KIF21B: variants seen among roughly 807,000 people sequenced by gnomAD.
The protein encoded by KIF21B is kinesin-like protein KIF21B.
KIF21B carries 85 observed loss-of-function variants against 192.9 expected under a neutral mutation model. The observed-to-expected ratio is 0.44, with a 90% CI of 0.37 to 0.53. The LOEUF is 0.53. Among genes scored for constraint, KIF21B ranks in the 20% least tolerant of loss-of-function variants. The pLI is 0.00. For synonymous variants in KIF21B, 832 were observed against 884.6 expected, an observed-to-expected ratio of 0.94 and a Z score of 1.05; for missense variants, 1,716 against 2,194.8, an observed-to-expected ratio of 0.78 and a Z score of 4.36.
chr1:200,979,414 TG>T, intron 30 of KIF21B, 120 bp downstream of exon 30: 1 of 656,538 alleles, frequency 1.5e-6, no homozygotes, highest in Non-Finnish European at 2.4e-6. Flanking sequence ...AGGCTGGTAA[TG>T]GTCTCTGTGC....
At chr1:200,989,903 G>A in intron 21 of KIF21B, 39 bp downstream of exon 21, 1 of 1,492,430 alleles carries the variant, frequency 6.7e-7, no homozygotes, top group Non-Finnish European at 9.3e-7. Flanking sequence ...AGGCATCTGT[G>A]CCCATAGAGC....
intron 17 of KIF21B, 62 bp downstream of exon 17, chr1:200,991,595 A>T: frequency 6.6e-7 from 1 of 1,511,420 alleles, no homozygotes; most frequent in South Asian, 1.1e-5. Flanking sequence ...CAAGCAATGC[A>T]CACATGCACG....
chr1:200,996,363 T>C lies in KIF21B; in HGVS notation c.2110A>G (p.Asn704Asp), dbSNP rs1657068095. The C allele has an allele frequency of 1.2e-6, 2 of 1,614,162 alleles. No individual in the cohort carries two copies. The highest frequency in any genetic ancestry group is 1.7e-6 in the Non-Finnish European group (2 of 1,180,034). The change falls in exon 15 of 35, where the codon AAC becomes GAC. Residue 704 changes from asparagine to aspartate, a missense_variant. Coordinates refer to ENST00000461742, the MANE Select transcript of KIF21B (RefSeq NM_001252102.2). ...TTCTCATAGTCTGCCTTGATCTTGT[T>C]GGCCTTCTCCTCAGTATAGCACTCC... ...TMECYTEEKA[N>D]KIKADYEKRL...
chr1:201,012,492 C>T (rs1658294986), intron 1 of KIF21B, among the ~76,000 whole-genome samples: 1 of 152,310 alleles, frequency 6.6e-6, no homozygotes, highest in Non-Finnish European at 1.5e-5. Context: ...GATTTAAATC[C>T]CCATTCTTCA....
At position 201,005,693 on chromosome 1, in the gene KIF21B, A is replaced by C; in HGVS notation, c.449T>G (p.Leu150Arg). The change falls in exon 4 of 35, where the codon CTC (leucine) becomes CGC (arginine). Residue 150 changes from leucine (L) to arginine (R), a missense_variant and splice_region_variant. Leu to Arg is a moderately radical substitution (Grantham distance 102). Coordinates refer to ENST00000461742, the MANE Select transcript of KIF21B (RefSeq NM_001252102.2). ...CAGGTCAAGGATCTCCTCGTTGTAGAGCTGTGCAGGAAGGAAACAGCTGAA... is the reference window on the plus strand; with the variant it reads ...CAGGTCAAGGATCTCCTCGTTGTAGCGCTGTGCAGGAAGGAAACAGCTGAA... ...EFKVSAQFLELYNEEILDLFD... is the reference protein window; with the variant it reads ...EFKVSAQFLERYNEEILDLFD... 1 of 1,613,878 alleles carries C rather than the reference A, an allele frequency of 6.2e-7. No homozygotes were observed. The highest frequency in any genetic ancestry group is 8.5e-7 in the Non-Finnish European group (1 of 1,179,982).
chr1:201,012,817 T>C (rs947128075), intron 1 of KIF21B, among the ~76,000 whole-genome samples: 5 of 152,134 alleles, frequency 3.3e-5, no homozygotes, highest in African/African-American at 1.2e-4. Flanking sequence ...CTAATTTTTA[T>C]ATTTTTTGTA....
intron 17 of KIF21B, 118 bp downstream of exon 17, chr1:200,991,539 C>T (rs1656695250): frequency 5.7e-6 from 6 of 1,045,170 alleles, no homozygotes; most frequent in Non-Finnish European, 8.6e-6. Context: ...CTGGGAAATA[C>T]CGCCTTTATT....
chr1:200,987,365 C>T (rs11800538), intron 24 of KIF21B, among the ~76,000 whole-genome samples, 164 bp from the exon 25 acceptor site: 11,473 of 151,782 alleles, frequency 0.076, 1,393 homozygotes, highest in African/African-American at 0.25. Flanking sequence ...TCAGCCTCCT[C>T]GAGCAGCTGA....
chr1:201,010,865 AGGGAGTTAAAG>A (rs1343004127), intron 1 of KIF21B, among the ~76,000 whole-genome samples: 4 of 151,616 alleles, frequency 2.6e-5, no homozygotes, highest in African/African-American at 4.8e-5. Flanking sequence ...TTCCACGGCA[AGGGAGTTAAAG>A]GGGAGTTAAA....
chr1:200,988,208 G>C, intron 24 of KIF21B, 88 bp downstream of exon 24: 1 of 1,278,960 alleles, frequency 7.8e-7, no homozygotes, highest in Non-Finnish European at 1.1e-6. Flanking sequence ...TTGTGGCTGA[G>C]GGTGGAGCAG....
At position 200,991,109 on chromosome 1, in the gene KIF21B, C is replaced by T. The variant is rs368586806; in HGVS notation, c.2495G>A (p.Arg832Gln). The change falls in exon 18 of 35, where the codon CGG becomes CAG. Residue 832 changes from arginine to glutamine, a missense_variant. Physicochemically the swap from Arg to Gln is conservative, Grantham distance 43 (BLOSUM62 1). This residue lies in a region of KIF21B where 1,087 missense variants were observed against 1,316.6 expected (regional missense o/e 0.83). Transcript: ENST00000461742. ...LRRLAKPMSERVAGRAGLKPP... is the reference protein window; with the variant it reads ...LRRLAKPMSEQVAGRAGLKPP... ...CTTTAGTCCTGCACGCCCTGCCACC[C>T]GCTCAGACATGGGCTTGGCCAGGCG... is the stretch of plus-strand genomic sequence containing the variant. The T allele has an allele frequency of 3.8e-5, 61 of 1,613,824 alleles. No individual in the cohort carries two copies. In the South Asian group the frequency reaches 3.8e-4, roughly 10 times the overall value.
In KIF21B at chr1:200,996,256, C is replaced by G; in HGVS notation, c.2217G>C (p.Ser739=). The G allele has an allele frequency of 6.2e-7, 1 of 1,614,074 alleles. No homozygotes were observed. Among genetic ancestry groups the G allele is most frequent in the Non-Finnish European group, 8.5e-7 (1 of 1,180,038 alleles). Residue 739 remains serine, a synonymous_variant, in exon 15 of 35, where the codon TCG becomes TCC. Transcript: ENST00000461742. ...GCTTCTTCAGCTCCCTCTCGTAGCG[C>G]GACTGGTTCTTAAGCAGCCGGGCGT... ...KEHARLLKNQ[S]RYERELKKLQ...
rs1482531249 is a variant in KIF21B at position 200,999,575 on chromosome 1, G to A, written c.1768-109C>T. 1 of 1,541,370 alleles carries A rather than the reference G, an allele frequency of 6.5e-7. No homozygotes were observed. Among genetic ancestry groups the A allele is most frequent in the Non-Finnish European group, 8.7e-7 (1 of 1,146,076 alleles). On this transcript the variant is annotated intron_variant, in intron 12 of 34. Transcript: ENST00000461742. The surrounding 1 kb of genome is among the most constrained non-coding windows in gnomAD (Gnocchi z 4.7). ...GGTGTGTCAGGAGGGTGGGGATTGGGGCAGGCCACAGCTGAGCCCCCCTGC... is the reference window on the plus strand; with the variant it reads ...GGTGTGTCAGGAGGGTGGGGATTGGAGCAGGCCACAGCTGAGCCCCCCTGC...
At chr1:200,976,915 C>T (rs372151021) in intron 31 of KIF21B, 22 bp from the exon 32 acceptor site, 10 of 1,567,474 alleles carry the variant, frequency 6.4e-6, no homozygotes, top group African/African-American at 1.4e-5. Flanking sequence ...AGAGGCCCAG[C>T]CAGGGGTAGG....
chr1:200,987,990 G>C (rs1443165211), intron 24 of KIF21B, among the ~76,000 whole-genome samples: 2 of 152,322 alleles, frequency 1.3e-5, no homozygotes, highest in South Asian at 4.1e-4. Flanking sequence ...ATGGGTGGGG[G>C]AAAGGGGATA....
intron 34 of KIF21B, chr1:200,974,079 G>C (rs1571904344): frequency 6.2e-7 from 1 of 1,611,748 alleles, no homozygotes; most frequent in African/African-American, 1.3e-5. Context: ...GAGGAGACAG[G>C]GAGAGTTGGG....
rs1414128327 is a variant in KIF21B at position 200,996,286 on chromosome 1, T to C, written c.2187A>G (p.Lys729=). ...RDLQKLQAAQ[K]EHARLLKNQS... is the part of the protein sequence containing the mutation. ...GGTTCTTAAGCAGCCGGGCGTGCTCTTTCTGGGCGGCCTGCAGCTTCTGCA... is the reference window on the plus strand; with the variant it reads ...GGTTCTTAAGCAGCCGGGCGTGCTCCTTCTGGGCGGCCTGCAGCTTCTGCA... The change falls in exon 15 of 35, where the codon AAA becomes AAG. Residue 729 remains lysine, a synonymous_variant. Transcript: ENST00000461742. 7 of 1,614,036 alleles carry C rather than the reference T, an allele frequency of 4.3e-6. No homozygotes were observed. Among genetic ancestry groups the C allele is most frequent in the Non-Finnish European group, 5.9e-6 (7 of 1,180,036 alleles).
At chr1:200,996,977 T>C (rs1466735004) in intron 14 of KIF21B, among the ~76,000 whole-genome samples, 1 of 152,060 alleles carries the variant, frequency 6.6e-6, no homozygotes, top group Non-Finnish European at 1.5e-5. Context: ...CCCTCACATC[T>C]ACCTCCCAGC....
intron 24 of KIF21B, 74 bp from the exon 25 acceptor site, chr1:200,987,275 T>TG (rs1571925093): frequency 7.2e-7 from 1 of 1,381,860 alleles, no homozygotes; most frequent in Non-Finnish European, 9.8e-7. Context: ...GGGGAAATTC[T>TG]ATTTTTTTTT....
Sources: allele counts gnomAD v4.1 joint callset (sites outside exome capture counted in the v4.1 genomes callset), GRCh38; gene constraint gnomAD v4.1.1; regional missense constraint gnomAD v4.1.1; non-coding constraint Gnocchi (gnomAD v3.1); transcripts MANE v1.5; gene names NCBI Gene and HGNC (gene_info 2026-07-23, HGNC 2026-07-21).